The following PCDH9 variants were observed in gnomAD, a reference collection of about 807,000 sequenced individuals.
PCDH9 encodes the protein protocadherin 9.
PCDH9 carries 24 observed loss-of-function variants against 70.6 expected under a neutral mutation model. The observed-to-expected ratio is 0.34, with a 90% CI of 0.25 to 0.48. The LOEUF (loss-of-function observed/expected upper bound fraction) is 0.48. PCDH9 is among the 20% of genes least tolerant of loss of function. The pLI, the probability that PCDH9 is intolerant of heterozygous loss-of-function variation, is 0.99. For missense variants in PCDH9, 1,281 were observed against 1,503.6 expected, an observed-to-expected ratio of 0.85 and a Z score of 2.45; for synonymous variants, 562 against 558.5, an observed-to-expected ratio of 1.01 and a Z score of -0.09.
chr13:67,102,932 C>T (rs867910947), intron 2 of PCDH9, among the ~76,000 whole-genome samples: 1 of 152,012 alleles, frequency 6.6e-6, no homozygotes, highest in Non-Finnish European at 1.5e-5. Flanking sequence ...CCTCTCCTCA[C>T]ACATAAAAAT....
At chr13:67,222,536 A>C (rs1271428625) in intron 2 of PCDH9, 1 of 152,106 alleles carries the variant, frequency 6.6e-6, no homozygotes, top group African/African-American at 2.4e-5. Flanking sequence ...ATCAGACGTT[A>C]TGTTTTCGTT....
At chr13:66,926,067 G>A (rs868686544) in intron 2 of PCDH9, among the ~76,000 whole-genome samples, 36 of 151,830 alleles carry the variant, frequency 2.4e-4, no homozygotes, top group African/African-American at 8.5e-4. Context: ...CCTTGTCTAA[G>A]CAATGGGAGG....
intron 3 of PCDH9, among the ~76,000 whole-genome samples, chr13:66,678,608 G>A (rs1280472531): frequency 6.6e-6 from 1 of 151,860 alleles, no homozygotes; most frequent in Non-Finnish European, 1.5e-5. Flanking sequence ...TAATTTTGGG[G>A]GACCAGGCAC....
chr13:66,819,155 G>T (rs1417721451), intron 3 of PCDH9, among the ~76,000 whole-genome samples: 2 of 151,998 alleles, frequency 1.3e-5, no homozygotes, highest in East Asian at 3.9e-4. Context: ...TAAAATGCTT[G>T]ACTGTGAAAA....
chr13:66,792,009 C>T (rs1350783554), intron 3 of PCDH9, among the ~76,000 whole-genome samples: 10 of 152,012 alleles, frequency 6.6e-5, no homozygotes, highest in Non-Finnish European at 1.3e-4. Context: ...TCAATAATAT[C>T]CTATTTAGAA....
At chr13:66,696,789 T>A (rs1331903921) in intron 3 of PCDH9, among the ~76,000 whole-genome samples, 1 of 150,412 alleles carries the variant, frequency 6.6e-6, no homozygotes, top group African/African-American at 2.4e-5. Flanking sequence ...CAAACTTTTT[T>A]TTTTTTTTTT....
At chr13:66,395,290 T>C (rs1957083415) in intron 4 of PCDH9, among the ~76,000 whole-genome samples, 1 of 152,134 alleles carries the variant, frequency 6.6e-6, no homozygotes, top group South Asian at 2.1e-4. Flanking sequence ...AGTGACTTTA[T>C]AACAAAGTTG....
At chr13:66,456,370 T>C (rs945682599) in intron 4 of PCDH9, among the ~76,000 whole-genome samples, 1 of 152,078 alleles carries the variant, frequency 6.6e-6, no homozygotes, top group Non-Finnish European at 1.5e-5. Flanking sequence ...CTAGGGATCC[T>C]TCTGCCTCAA....
intron 3 of PCDH9, among the ~76,000 whole-genome samples, chr13:66,745,198 G>A (rs993053883): frequency 1.3e-5 from 2 of 152,130 alleles, no homozygotes; most frequent in African/African-American, 2.4e-5. Flanking sequence ...AATCACTACC[G>A]AGTATTGTTG....
intron 3 of PCDH9, among the ~76,000 whole-genome samples, chr13:66,744,220 G>A: frequency 6.6e-6 from 1 of 152,078 alleles, no homozygotes; most frequent in East Asian, 1.9e-4. Flanking sequence ...TTATTATTTT[G>A]TATTAATCAA....
At chr13:66,750,337 A>AACAAGTTTTCTCATTCTCCAAGAATG (rs2079438087) in intron 3 of PCDH9, among the ~76,000 whole-genome samples, 1 of 151,602 alleles carries the variant, frequency 6.6e-6, no homozygotes, top group Non-Finnish European at 1.5e-5. Flanking sequence ...ATTTTTCAAA[A>AACAAGTTTTCTCATTCTCCAAGAATG]ACAAGTTTTC....
rs536546709 is a variant in PCDH9 at position 66,777,455 on chromosome 13, C to G, written c.3138+126049G>C. ...ACAAGAAAAAAACAAACAACCCCATCAAAAAGTGGGCAAAGGACATGAAAA... is the reference window on the plus strand; with the variant it reads ...ACAAGAAAAAAACAAACAACCCCATGAAAAAGTGGGCAAAGGACATGAAAA... On this transcript the variant is annotated intron_variant, in intron 3 of 4. Transcript: ENST00000377865. Among the ~76,000 whole-genome samples the G allele has an allele frequency of 6.9e-3, 1,057 of 152,148 alleles. 15 individuals carry two copies. The highest frequency in any genetic ancestry group is 0.024 in the African/African-American group (1,005 of 41,492).
intron 4 of PCDH9, among the ~76,000 whole-genome samples, chr13:66,408,437 T>C (rs948800653): frequency 2.0e-5 from 3 of 152,240 alleles, no homozygotes; most frequent in African/African-American, 7.2e-5. Flanking sequence ...TCTCTGGATA[T>C]ACATTTTCAT....
chr13:66,799,185 C>A lies in PCDH9; in HGVS notation c.3138+104319G>T, dbSNP rs538938907. Among the ~76,000 whole-genome samples the A allele has an allele frequency of 2.6e-5, 4 of 152,224 alleles. No individual in the cohort carries two copies. The South Asian group carries it at 8.3e-4, about 32-fold the overall frequency. On this transcript the variant is annotated intron_variant, in intron 3 of 4. Transcript: ENST00000377865. ...TATACATTTCATGACTTTAAACTCC[C>A]TTGTTCTCTAGAAGCTCTGTGATTT...
At chr13:66,565,419 C>G (rs1389059864) in intron 4 of PCDH9, among the ~76,000 whole-genome samples, 1 of 152,124 alleles carries the variant, frequency 6.6e-6, no homozygotes, top group Non-Finnish European at 1.5e-5. Context: ...TATGAGAAAC[C>G]TAGAAAGTGC....
At chr13:66,708,890 T>C (rs1457760998) in intron 3 of PCDH9, among the ~76,000 whole-genome samples, 1 of 152,170 alleles carries the variant, frequency 6.6e-6, no homozygotes, top group Non-Finnish European at 1.5e-5. Flanking sequence ...CAACCAAATC[T>C]TCAGAGGTCT....
intron 2 of PCDH9, among the ~76,000 whole-genome samples, chr13:66,930,065 T>C (rs1383141654): frequency 6.6e-6 from 1 of 152,152 alleles, no homozygotes; most frequent in Non-Finnish European, 1.5e-5. Flanking sequence ...AATGGAGATG[T>C]GGTCTTTTTG....
intron 3 of PCDH9, among the ~76,000 whole-genome samples, chr13:66,718,409 G>A (rs1327061285): frequency 5.9e-5 from 9 of 152,034 alleles, no homozygotes; most frequent in African/African-American, 1.9e-4. Flanking sequence ...ATACTATTTT[G>A]TTGAGGGGGG....
At chr13:66,360,278 C>T (rs1452704874) in intron 4 of PCDH9, among the ~76,000 whole-genome samples, 1 of 151,820 alleles carries the variant, frequency 6.6e-6, no homozygotes, top group African/African-American at 2.4e-5. Context: ...TGACGTCCAC[C>T]TTGATGGCAG....
Sources: gnomAD v4.1 joint callset for allele counts (sites outside exome capture counted in the v4.1 genomes callset) on GRCh38, gnomAD v4.1.1 for gene constraint, MANE v1.5 for transcripts, NCBI Gene and HGNC (gene_info 2026-07-23, HGNC 2026-07-21) for gene names.